The following RBFOX1 variants were observed in gnomAD, a reference collection of about 807,000 sequenced individuals.
The protein encoded by RBFOX1 is RNA binding fox-1 homolog 1.
A neutral mutation model predicts 57.7 loss-of-function variants in RBFOX1; 8 were observed. That is an observed-to-expected ratio of 0.14 (90% CI 0.08 to 0.25). RBFOX1 has a LOEUF of 0.25. Among genes scored for constraint, RBFOX1 ranks in the 10% least tolerant of loss-of-function variants. The probability of loss-of-function intolerance (pLI) is 1.00; values close to 1 mark genes in which losing one functional copy is unlikely to be tolerated. For synonymous variants in RBFOX1, 326 were observed against 222.4 expected (o/e 1.47, Z -4.15); for missense variants, 611 against 548.5 (o/e 1.11, Z -1.14).
intron 2 of RBFOX1, among the ~76,000 whole-genome samples, chr16:6,612,125 A>G (rs1468413425): frequency 6.6e-6 from 1 of 152,140 alleles, no homozygotes; most frequent in Admixed American, 6.5e-5. Flanking sequence ...GCATCTAGGG[A>G]TTATCCCTGG....
chr16:7,009,594 C>G (rs1024072341), intron 3 of RBFOX1, among the ~76,000 whole-genome samples: 9 of 152,116 alleles, frequency 5.9e-5, no homozygotes, highest in African/African-American at 2.2e-4. Flanking sequence ...CCACATCCAG[C>G]TAATCCAATA....
chr16:5,973,338 A>G (rs972233935), intron 4 of RBFOX1, among the ~76,000 whole-genome samples: 1 of 152,200 alleles, frequency 6.6e-6, no homozygotes, highest in African/African-American at 2.4e-5. Flanking sequence ...CATGAACTCT[A>G]TTCCCTGACC....
At position 7,186,345 on chromosome 16, in the gene RBFOX1, T is replaced by C. The variant is rs1425598790; in HGVS notation, c.27+134247T>C. The stretch of plus-strand genomic sequence containing the variant: ...ATAAACATAAACATATTTATATAAA[T>C]ATAAACATAAACATATTTATATAAA... On this transcript the variant is annotated intron_variant, in intron 4 of 15. Coordinates refer to ENST00000550418, the MANE Select transcript of RBFOX1 (RefSeq NM_018723.4). Among the ~76,000 whole-genome samples, 27 of 53,708 alleles carry C rather than the reference T, an allele frequency of 5.0e-4. 1 individual carries two copies. The highest frequency in any genetic ancestry group is 6.0e-4 in the Admixed American group (3 of 5,034). The allele number at this position is 53,708 out of a possible 152,430, so 35.2% of individuals were successfully genotyped here. A position where few individuals can be genotyped will look rare whatever the true frequency, so the allele number is the denominator to read the frequency against.
At chr16:7,147,507 C>G (rs1296594545) in intron 4 of RBFOX1, among the ~76,000 whole-genome samples, 2 of 152,032 alleles carry the variant, frequency 1.3e-5, no homozygotes, top group African/African-American at 4.8e-5. Context: ...GTCTTTTGCT[C>G]TTATCCTGAT....
chr16:6,632,332 A>G (rs12935449), intron 2 of RBFOX1, among the ~76,000 whole-genome samples: 9,600 of 151,896 alleles, frequency 0.063, 390 homozygotes, highest in Non-Finnish European at 0.091. Context: ...ATAGCCAGGG[A>G]GAAAGAAAAA....
intron 4 of RBFOX1, among the ~76,000 whole-genome samples, chr16:7,282,506 C>G (rs2095565468): frequency 6.6e-6 from 1 of 151,912 alleles, no homozygotes; most frequent in Non-Finnish European, 1.5e-5. Flanking sequence ...CTGCCTTTTG[C>G]TCTTGCACCC....
At chr16:6,520,248 C>T (rs1038441981) in intron 2 of RBFOX1, among the ~76,000 whole-genome samples, 12 of 152,088 alleles carry the variant, frequency 7.9e-5, no homozygotes, top group South Asian at 4.1e-4. Flanking sequence ...AAATTTAAAG[C>T]GATGTTGAAT....
chr16:5,851,839 A>G (rs1324001559), intron 3 of RBFOX1, among the ~76,000 whole-genome samples: 1 of 152,164 alleles, frequency 6.6e-6, no homozygotes, highest in East Asian at 1.9e-4. Flanking sequence ...TTGCTGAGTC[A>G]GTGGGTGAGT....
intron 3 of RBFOX1, among the ~76,000 whole-genome samples, chr16:5,834,795 T>C (rs2056406752): frequency 6.6e-6 from 1 of 151,068 alleles, no homozygotes; most frequent in South Asian, 2.1e-4. Context: ...GATAGATAGA[T>C]AGATAGATAG....
chr16:7,356,461 A>G (rs1288782603), intron 4 of RBFOX1, among the ~76,000 whole-genome samples: 1 of 152,166 alleles, frequency 6.6e-6, no homozygotes, highest in Non-Finnish European at 1.5e-5. Context: ...GAGAGTGTTC[A>G]AAAGAAGCCA....
chr16:6,682,522 C>G (rs575327705), intron 3 of RBFOX1, among the ~76,000 whole-genome samples: 15 of 152,228 alleles, frequency 9.9e-5, no homozygotes, highest in African/African-American at 3.4e-4. Context: ...GTTTCTCAAT[C>G]TTGGCATTAT....
intron 3 of RBFOX1, among the ~76,000 whole-genome samples, chr16:7,004,628 A>T (rs2093137889): frequency 1.3e-5 from 2 of 152,246 alleles, no homozygotes; most frequent in South Asian, 4.1e-4. Flanking sequence ...TTTTCTTGAA[A>T]GCCTCAACAT....
At chr16:6,066,630 T>C (rs2095767211) in intron 1 of RBFOX1, among the ~76,000 whole-genome samples, 1 of 152,100 alleles carries the variant, frequency 6.6e-6, no homozygotes, top group Non-Finnish European at 1.5e-5. Flanking sequence ...TATGCCAGAA[T>C]TTGGATTCTC....
intron 4 of RBFOX1, among the ~76,000 whole-genome samples, chr16:7,100,529 A>G (rs1387288833): frequency 6.7e-6 from 1 of 149,372 alleles, no homozygotes; most frequent in East Asian, 2.0e-4. Flanking sequence ...TTCTAGTGTT[A>G]CTGATGGTTT....
At chr16:5,827,670 TA>T (rs2056113349) in intron 3 of RBFOX1, among the ~76,000 whole-genome samples, 1 of 152,166 alleles carries the variant, frequency 6.6e-6, no homozygotes. Flanking sequence ...GTTTTTTAGT[TA>T]AATTTTAGAT....
intron 3 of RBFOX1, among the ~76,000 whole-genome samples, chr16:6,801,275 T>C (rs1253729464): frequency 6.6e-6 from 1 of 151,700 alleles, no homozygotes; most frequent in Admixed American, 6.6e-5. Flanking sequence ...AGTGTGATGA[T>C]GATTTTGTCC....
chr16:6,237,441 C>G (rs1567744460), intron 1 of RBFOX1, among the ~76,000 whole-genome samples: 1 of 152,154 alleles, frequency 6.6e-6, no homozygotes, highest in Admixed American at 6.5e-5. Context: ...GGTTACCTAA[C>G]TAGTAACTGA....
At chr16:6,662,343 A>T (rs2098706943) in intron 3 of RBFOX1, among the ~76,000 whole-genome samples, 1 of 152,216 alleles carries the variant, frequency 6.6e-6, no homozygotes, top group Non-Finnish European at 1.5e-5. Flanking sequence ...AGTAGTAATC[A>T]TTTCATGATA....
intron 2 of RBFOX1, among the ~76,000 whole-genome samples, chr16:5,470,159 TCAAGCC>T (rs1352254200): frequency 1.3e-5 from 2 of 152,230 alleles, no homozygotes; most frequent in Non-Finnish European, 2.9e-5. Context: ...AGCCGAGGTC[TCAAGCC>T]TGCAAGGCTG....
Sources: allele counts gnomAD v4.1 joint callset (sites outside exome capture counted in the v4.1 genomes callset), GRCh38; gene constraint gnomAD v4.1.1; transcripts MANE v1.5; gene names NCBI Gene and HGNC (gene_info 2026-07-23, HGNC 2026-07-21).